The following SSH1 variants were observed in gnomAD, a reference collection of about 807,000 sequenced individuals.
SSH1 encodes the protein slingshot protein phosphatase 1.
SSH1 carries 43 observed loss-of-function variants against 79.7 expected under a neutral mutation model. That is an observed-to-expected ratio of 0.54 (90% CI 0.42 to 0.70). SSH1 has a LOEUF of 0.70. Among genes scored for constraint, SSH1 ranks in the 30% least tolerant of loss-of-function variants. The pLI is 0.00. For synonymous variants in SSH1, 599 were observed against 538.3 expected, an observed-to-expected ratio of 1.11 and a Z score of -1.56; for missense variants, 1,206 against 1,358.8, an observed-to-expected ratio of 0.89 and a Z score of 1.77.
At chr12:108,815,364 A>G (rs2037836081) in intron 5 of SSH1, among the ~76,000 whole-genome samples, 1 of 152,206 alleles carries the variant, frequency 6.6e-6, no homozygotes, top group South Asian at 2.1e-4. Flanking sequence ...AGTCAGGAGG[A>G]CTGGGCTTCC....
chr12:108,792,926 G>A, intron 13 of SSH1, 97 bp from the exon 14 acceptor site: 2 of 1,485,464 alleles, frequency 1.3e-6, no homozygotes, highest in Non-Finnish European at 1.9e-6. Context: ...GCTGCCCAAG[G>A]TCAGGGCGCC....
chr12:108,810,760 G>A (rs557601647), intron 6 of SSH1, among the ~76,000 whole-genome samples: 2 of 152,180 alleles, frequency 1.3e-5, no homozygotes, highest in African/African-American at 2.4e-5. Context: ...GACGCTAGAC[G>A]GCCCCTCATC....
chr12:108,817,127 C>G lies in SSH1; in HGVS notation c.312G>C (p.Arg104=). The G allele has an allele frequency of 6.2e-7, 1 of 1,614,164 alleles. No individual in the cohort carries two copies. Among genetic ancestry groups the G allele is most frequent in the Non-Finnish European group, 8.5e-7 (1 of 1,180,024 alleles). Residue 104 remains arginine (R), a synonymous_variant, in exon 5 of 15, where the codon CGG becomes CGC. Transcript: ENST00000326495. ...AVRLESAWAD[R]VRYMVVVYSS... ...TGTACACCACCACCATGTACCGGAC[C>G]CGGTCCGCCCAGGCGCTCTCCAGGC... is the stretch of plus-strand genomic sequence containing the variant.
At position 108,782,505 on chromosome 12, in the gene SSH1, G is replaced by A. The variant is rs1445107651; in HGVS notation, c.*5483C>T. On this transcript the variant is annotated 3_prime_UTR_variant, in exon 15 of 15. Transcript: ENST00000326495. ...GAAAGAAAACAGACTAGTTCCAGGA[G>A]GAACTATCATTTCTTCCTGTGGTCC... is the stretch of plus-strand genomic sequence containing the variant. 6.6e-6 allele frequency: 1 copy of A among 152,128 alleles called. No individual in the cohort carries two copies. The highest frequency in any genetic ancestry group is 1.5e-5 in the Non-Finnish European group (1 of 68,016). The allele number at this position is 152,128 out of a possible 1,614,324, so 9.4% of individuals were successfully genotyped here. A position where few individuals can be genotyped will look rare whatever the true frequency, so the allele number is the denominator to read the frequency against.
chr12:108,853,917 C>A (rs1370746175), intron 1 of SSH1, among the ~76,000 whole-genome samples: 1 of 145,616 alleles, frequency 6.9e-6, no homozygotes, highest in Non-Finnish European at 1.5e-5. Context: ...AGCAATACTT[C>A]GTTTCAAAAA....
chr12:108,825,119 A>T (rs7971828), intron 2 of SSH1, among the ~76,000 whole-genome samples: 25 of 152,050 alleles, frequency 1.6e-4, no homozygotes, highest in Non-Finnish European at 2.2e-4. Flanking sequence ...CACAGTTCAA[A>T]TTGTAGGCAA....
At chr12:108,849,170 T>C (rs942223178) in intron 2 of SSH1, among the ~76,000 whole-genome samples, 1 of 152,144 alleles carries the variant, frequency 6.6e-6, no homozygotes, top group African/African-American at 2.4e-5. Flanking sequence ...GTTTTGAGAA[T>C]ATGGAAAGCT....
intron 2 of SSH1, among the ~76,000 whole-genome samples, chr12:108,835,089 T>A (rs1324263016): frequency 6.6e-6 from 1 of 152,134 alleles, no homozygotes; most frequent in Non-Finnish European, 1.5e-5. Context: ...GTTCCCCACA[T>A]CACCTTGAGT....
rs1299041773 is a variant in SSH1 at position 108,780,193 on chromosome 12, T to C, written c.*7795A>G. 6.6e-6 allele frequency: 1 copy of C among 152,248 alleles called. No homozygotes were observed. Among genetic ancestry groups the C allele is most frequent in the African/African-American group, 2.4e-5 (1 of 41,472 alleles). 9.4% of individuals were successfully genotyped at this position (152,248 alleles called of 1,614,324 possible). A position where few individuals can be genotyped will look rare whatever the true frequency, so the allele number is the denominator to read the frequency against. On this transcript the variant is annotated 3_prime_UTR_variant, in exon 15 of 15. Coordinates refer to ENST00000326495, the MANE Select transcript of SSH1 (RefSeq NM_018984.4). ...TCCCCCTAAGTTCCAAGCCGTCCTC[T>C]GTGCTGCCTTTGGAGCCTCTCCCGA... is the stretch of plus-strand genomic sequence containing the variant.
chr12:108,780,712 A>G lies in SSH1; in HGVS notation c.*7276T>C, dbSNP rs1052967616. On this transcript the variant is annotated 3_prime_UTR_variant, in exon 15 of 15. Transcript: ENST00000326495. ...GATTTGTTTTTAAAACATTTTACAG[A>G]GAGGGCTGCATTATAGCTTGATAAC... 6.6e-6 allele frequency: 1 copy of G among 152,226 alleles called. No individual in the cohort carries two copies. The highest frequency in any genetic ancestry group is 1.5e-5 in the Non-Finnish European group (1 of 68,050). The allele number at this position is 152,226 out of a possible 1,614,324, so 9.4% of individuals were successfully genotyped here. A position where few individuals can be genotyped will look rare whatever the true frequency, so the allele number is the denominator to read the frequency against.
chr12:108,789,576 A>G (rs1458514026), intron 14 of SSH1, among the ~76,000 whole-genome samples: 1 of 152,142 alleles, frequency 6.6e-6, no homozygotes, highest in Non-Finnish European at 1.5e-5. Context: ...AGGCCAACTG[A>G]CAGGTACCCA....
intron 5 of SSH1, 99 bp downstream of exon 5, chr12:108,816,939 C>T (rs2037917334): frequency 6.4e-6 from 10 of 1,569,106 alleles, no homozygotes; most frequent in South Asian, 1.1e-5. Context: ...AGGACGCAGC[C>T]CTCTCCCACC....
At chr12:108,826,124 A>G (rs1214324665) in intron 2 of SSH1, 1 of 455,606 alleles carries the variant, frequency 2.2e-6, no homozygotes, top group South Asian at 1.6e-5. Context: ...AGCACGCTGG[A>G]AACAGCCAAC....
rs979523507 is a variant in SSH1, at chr12:108,783,188, G to A, written c.*4800C>T. 3.3e-5 allele frequency: 5 copies of A among 152,146 alleles called. No homozygotes were observed. The highest frequency in any genetic ancestry group is 1.2e-4 in the African/African-American group (5 of 41,418). The allele number at this position is 152,146 out of a possible 1,614,324, so 9.4% of individuals were successfully genotyped here. On this transcript the variant is annotated 3_prime_UTR_variant, in exon 15 of 15. Transcript: ENST00000326495. ...CTACGTTCTTTCATTGGCTCCTATG[G>A]GACACAGCATGGGCCAATGCCTGCC...
intron 5 of SSH1, 114 bp from the exon 6 acceptor site, chr12:108,811,442 G>T: frequency 1.1e-6 from 1 of 902,570 alleles, no homozygotes; most frequent in Non-Finnish European, 1.8e-6. Context: ...GTGGGAGTAG[G>T]CTGTCTGCAT....
chr12:108,799,318 G>A, intron 12 of SSH1, 118 bp from the exon 13 acceptor site: 5 of 843,688 alleles, frequency 5.9e-6, no homozygotes, highest in Non-Finnish European at 9.1e-6. Context: ...TTTAAACCCT[G>A]TAGATATCTT....
chr12:108,835,872 T>C lies in SSH1; in HGVS notation c.111-12511A>G, dbSNP rs1004900753. 1.2e-4 allele frequency among the ~76,000 whole-genome samples: 18 copies of C among 146,622 alleles called. No individual in the cohort carries two copies. The South Asian group carries it at 2.3e-3, about 19-fold the overall frequency. On this transcript the variant is annotated intron_variant, in intron 2 of 14. Transcript: ENST00000326495. ...ATTTATGATATATAGCATATATACA[T>C]ATTATATTAATTAATTATAACTATA...
intron 1 of SSH1, 54 bp from the exon 2 acceptor site, chr12:108,852,732 C>T (rs1312446289): frequency 1.9e-6 from 3 of 1,612,778 alleles, no homozygotes; most frequent in South Asian, 2.2e-5. Context: ...CAACACGCCT[C>T]GGGCGGCAGT....
chr12:108,824,167 G>C (rs909974181), intron 2 of SSH1, among the ~76,000 whole-genome samples: 1 of 152,172 alleles, frequency 6.6e-6, no homozygotes, highest in African/African-American at 2.4e-5. Flanking sequence ...AAGTGGGGAG[G>C]GGCCGGGTGG....
Sources: allele counts gnomAD v4.1 joint callset (sites outside exome capture counted in the v4.1 genomes callset), GRCh38; gene constraint gnomAD v4.1.1; transcripts MANE v1.5; gene names NCBI Gene and HGNC (gene_info 2026-07-23, HGNC 2026-07-21).